Variants in UTP25 observed in about 807,000 individuals in gnomAD.
UTP25 encodes U3 small nucleolar RNA-associated protein 25 homolog.
In UTP25, 50 loss-of-function variants were observed where a neutral mutation model predicts 78.9. That is an observed-to-expected ratio of 0.63 (90% confidence interval 0.50 to 0.80). The LOEUF (loss-of-function observed/expected upper bound fraction) is 0.80, where lower values mean the gene tolerates loss of function less well. Ranked by LOEUF, UTP25 falls within the 30% of genes least tolerant of loss-of-function variation. UTP25 has a pLI of 0.00. For synonymous variants in UTP25, 329 were observed against 336.5 expected (o/e 0.98, Z 0.24); for missense variants, 846 against 911.3 (o/e 0.93, Z 0.92).
rs977895518 is a variant in UTP25 at position 209,857,372 on chromosome 1, A to T, written c.*5925A>T. 6 of 151,650 alleles carry T rather than the reference A, an allele frequency of 4.0e-5. No individual in the cohort carries two copies. The highest frequency in any genetic ancestry group is 3.9e-4 in the Admixed American group (6 of 15,196). 9.4% of individuals were successfully genotyped at this position (151,650 alleles called of 1,614,324 possible). On this transcript the variant is annotated 3_prime_UTR_variant, in exon 12 of 12. Transcript: ENST00000491415. ...CCTGAAAAGTTATTCTTTTAATCTT[A>T]TTAAAAAAGCAACCCATGCCCATTC...
At position 209,839,247 on chromosome 1, in the gene UTP25, A is replaced by G. The variant is rs907990927; in HGVS notation, c.1282+119A>G. The G allele has an allele frequency of 5.2e-6, 5 of 961,156 alleles. No homozygotes were observed. The African/African-American group carries it at 8.2e-5, about 16-fold the overall frequency. 59.5% of individuals were successfully genotyped at this position (961,156 alleles called of 1,614,324 possible). On this transcript the variant is annotated intron_variant, in intron 7 of 11. Transcript: ENST00000491415. Reference sequence around the variant, plus strand: ...CTCACTGTGCCTCTTTAACAGAACCAGTGTGCCTTTGAGACATGTTGTTTG... The same window carrying G: ...CTCACTGTGCCTCTTTAACAGAACCGGTGTGCCTTTGAGACATGTTGTTTG...
chr1:209,840,908 T>C lies in UTP25; in HGVS notation c.1338T>C (p.Asp446=). 1 of 1,613,852 alleles carries C rather than the reference T, an allele frequency of 6.2e-7. No individual in the cohort carries two copies. Among genetic ancestry groups the C allele is most frequent in the Non-Finnish European group, 8.5e-7 (1 of 1,179,986 alleles). The change falls in exon 8 of 12, where the codon GAT becomes GAC. Residue 446 remains aspartate, a synonymous_variant. Transcript: ENST00000491415. The stretch of plus-strand genomic sequence containing the variant: ...TCTATGCCCCGTTTTACTCCTCGGA[T>C]ATCCTCATTGCTTCCCCCCTGGGCT... The part of the protein sequence containing the change: ...IRLYAPFYSS[D]ILIASPLGLR...
In UTP25 at chr1:209,848,338, C is replaced by A. The variant is rs1416549618; in HGVS notation, c.2028-2866C>A. Among the ~76,000 whole-genome samples, 5 of 152,234 alleles carry A rather than the reference C, an allele frequency of 3.3e-5. No homozygotes were observed. In the East Asian group the frequency reaches 7.7e-4, roughly 24 times the overall value. On this transcript the variant is annotated intron_variant, in intron 11 of 11. Transcript: ENST00000491415. ...TGTCTCATTCTTGGTGATGCCAAAT[C>A]ACTAAAATCACTTAGTGTGTGTATG... is the stretch of plus-strand genomic sequence containing the variant.
chr1:209,841,881 A>T (rs2078168722), intron 8 of UTP25, among the ~76,000 whole-genome samples: 1 of 152,246 alleles, frequency 6.6e-6, no homozygotes, highest in South Asian at 2.1e-4. Flanking sequence ...TGACACTGCA[A>T]CTATTCCTAA....
rs1380930859 is a variant in UTP25, at chr1:209,830,958, T to G, written c.303T>G (p.Asp101Glu). Residue 101 changes from aspartate to glutamate, a missense_variant, in exon 3 of 12, where the codon GAT becomes GAG. Transcript: ENST00000491415. ...AAGAGGAAGAAGACAGTATTGTAGATGATGCAGAAATGAACGATGAAGATG... is the reference window on the plus strand; with the variant it reads ...AAGAGGAAGAAGACAGTATTGTAGAGGATGCAGAAATGAACGATGAAGATG... ...EEEEEEDSIV[D>E]DAEMNDEDGG... 1.2e-6 allele frequency: 2 copies of G among 1,613,818 alleles called. No homozygotes were observed. Among genetic ancestry groups the G allele is most frequent in the African/African-American group, 2.7e-5 (2 of 74,910 alleles).
chr1:209,845,392 A>G (rs138117637), intron 11 of UTP25, among the ~76,000 whole-genome samples: 72 of 152,344 alleles, frequency 4.7e-4, no homozygotes, highest in Non-Finnish European at 8.5e-4. Context: ...TATCATCTTG[A>G]CAAATGAAAG....
Position 209,830,127 on chromosome 1 carries a change from A to C in UTP25, c.127A>C (p.Lys43Gln). The stretch of plus-strand genomic sequence containing the variant: ...TTTTAGGGTTTCCAGAAAGGAAGCA[A>C]AGCCACAGATTTGTCAACTGGTAAT... ...FYDRVSRKEA[K>Q]PQICQLSESS... The change falls in exon 2 of 12, where the codon AAG becomes CAG. Residue 43 changes from lysine to glutamine, a missense_variant. Lys to Gln is a moderately conservative substitution (Grantham distance 53). Coordinates refer to ENST00000491415, the MANE Select transcript of UTP25 (RefSeq NM_014388.7). 1 of 1,612,392 alleles carries C rather than the reference A, an allele frequency of 6.2e-7. No individual in the cohort carries two copies. The highest frequency in any genetic ancestry group is 8.5e-7 in the Non-Finnish European group (1 of 1,178,900).
At chr1:209,840,746 C>T in intron 7 of UTP25, 107 bp from the exon 8 acceptor site, 1 of 1,041,084 alleles carries the variant, frequency 9.6e-7, no homozygotes, top group Non-Finnish European at 1.5e-6. Context: ...CTAAGAGGAA[C>T]AAAAGAGATG....
chr1:209,841,517 T>C (rs574546995), intron 8 of UTP25, among the ~76,000 whole-genome samples: 3 of 152,332 alleles, frequency 2.0e-5, no homozygotes, highest in South Asian at 2.1e-4. Flanking sequence ...TAGAGAAATA[T>C]AGGATGTCTT....
At chr1:209,828,368 C>A (rs674346) in intron 1 of UTP25, among the ~76,000 whole-genome samples, 198 bp downstream of exon 1, 77,956 of 150,282 alleles carry the variant, frequency 0.52, 20,710 homozygotes, top group Non-Finnish European at 0.55. Flanking sequence ...CTGTAATTTC[C>A]TGCTAAGAGG....
chr1:209,830,406 G>A (rs1338104037), intron 2 of UTP25, among the ~76,000 whole-genome samples: 3 of 151,708 alleles, frequency 2.0e-5, no homozygotes, highest in Non-Finnish European at 4.4e-5. Flanking sequence ...AGGGCTCTTA[G>A]TGAATCCTAA....
rs544030442 is a variant in UTP25, at chr1:209,838,458, G to A, written c.1063-451G>A. ...GATGTGTTAATCCTTTTTCTTACCC[G>A]CTTTATTTCTTCTCTACTTGTTCCA... On this transcript the variant is annotated intron_variant, in intron 6 of 11. Coordinates refer to ENST00000491415, the MANE Select transcript of UTP25 (RefSeq NM_014388.7). Among the ~76,000 whole-genome samples the A allele has an allele frequency of 3.1e-4, 47 of 151,802 alleles. No homozygotes were observed. In the South Asian group the frequency reaches 6.4e-3, roughly 21 times the overall value.
chr1:209,836,726 C>T (rs1361577762), intron 5 of UTP25, 75 bp from the exon 6 acceptor site: 3 of 1,477,306 alleles, frequency 2.0e-6, no homozygotes, highest in Admixed American at 4.6e-5. Flanking sequence ...AAAAAATTCG[C>T]TAAATATAGT....
intron 11 of UTP25, chr1:209,843,961 C>T (rs2078181679): frequency 4.2e-6 from 2 of 474,292 alleles, no homozygotes; most frequent in South Asian, 2.5e-5. Flanking sequence ...TGTGGTTATA[C>T]ACTGCAAGAA....
intron 1 of UTP25, 70 bp downstream of exon 1, chr1:209,828,240 C>T: frequency 4.1e-6 from 5 of 1,211,328 alleles, no homozygotes; most frequent in Non-Finnish European, 6.1e-6. Flanking sequence ...TCTGGTCTCC[C>T]AGATAGTGCT....
At chr1:209,845,013 CT>C (rs1283873839) in intron 11 of UTP25, among the ~76,000 whole-genome samples, 11 of 152,342 alleles carry the variant, frequency 7.2e-5, no homozygotes, top group Admixed American at 1.3e-4. Flanking sequence ...ATCTCCCAAG[CT>C]TTGGAGCACA....
Position 209,828,027 on chromosome 1 carries a change from G to A in UTP25, c.-37G>A. The A allele has an allele frequency of 6.4e-7, 1 of 1,553,694 alleles. No individual in the cohort carries two copies. Reference sequence around the variant, plus strand: ...CTGGACAACTTCCTGGTGGAAAACCGCGACTCTTGCAAGTGGGCAAACTTG... The same window carrying A: ...CTGGACAACTTCCTGGTGGAAAACCACGACTCTTGCAAGTGGGCAAACTTG... On this transcript the variant is annotated 5_prime_UTR_variant, in exon 1 of 12. Coordinates refer to ENST00000491415, the MANE Select transcript of UTP25 (RefSeq NM_014388.7).
At chr1:209,832,170 T>C (rs903020566) in intron 3 of UTP25, among the ~76,000 whole-genome samples, 1 of 152,006 alleles carries the variant, frequency 6.6e-6, no homozygotes, top group Non-Finnish European at 1.5e-5. Context: ...AAATAATATA[T>C]ATTTACTGTA....
chr1:209,839,673 T>C (rs1025807326), intron 7 of UTP25, among the ~76,000 whole-genome samples: 1 of 152,202 alleles, frequency 6.6e-6, no homozygotes, highest in Non-Finnish European at 1.5e-5. Flanking sequence ...GTAAAGTTCT[T>C]GGGGAAATGT....
Sources: gnomAD v4.1 joint callset for allele counts (sites outside exome capture counted in the v4.1 genomes callset) on GRCh38, gnomAD v4.1.1 for gene constraint, MANE v1.5 for transcripts, NCBI Gene and HGNC (gene_info 2026-07-23, HGNC 2026-07-21) for gene names.